Variants in S100Z observed in about 807,000 individuals in gnomAD.
The protein encoded by S100Z is S100 calcium binding protein Z, also known as protein S100-Z.
In S100Z, 11 loss-of-function variants were observed where a neutral mutation model predicts 8.5. The ratio of observed to expected loss-of-function variants is 1.30; its 90% CI spans 0.82 to 2.15. The LOEUF (loss-of-function observed/expected upper bound fraction) is 2.15. Among genes scored for constraint, S100Z ranks in the 30% most tolerant of loss-of-function variants. The pLI, the probability that S100Z is intolerant of heterozygous loss-of-function variation, is 0.00. For missense variants in S100Z, 126 were observed against 117.9 expected, an observed-to-expected ratio of 1.07 and a Z score of -0.32; for synonymous variants, 34 against 43.8, an observed-to-expected ratio of 0.78 and a Z score of 0.89.
chr5:76,897,442 C>CA (rs1030708478), intron 4 of S100Z, among the ~76,000 whole-genome samples: 4 of 144,372 alleles, frequency 2.8e-5, no homozygotes, highest in East Asian at 2.1e-4. Context: ...GACTCTGTCT[C>CA]AAAAAAAATA....
intron 4 of S100Z, among the ~76,000 whole-genome samples, chr5:76,881,669 A>T (rs572388723): frequency 6.6e-6 from 1 of 152,280 alleles, no homozygotes; most frequent in South Asian, 2.1e-4. Flanking sequence ...CTGGAAGGAG[A>T]TATTTTCCTT....
chr5:76,854,113 T>C (rs1750810006), intron 1 of S100Z, among the ~76,000 whole-genome samples: 3 of 152,206 alleles, frequency 2.0e-5, no homozygotes, highest in Admixed American at 6.5e-5. Context: ...GTGAGCCCAT[T>C]AAACCTCTTT....
At chr5:76,892,248 CCTA>C (rs1360259269) in intron 4 of S100Z, among the ~76,000 whole-genome samples, 9 of 152,258 alleles carry the variant, frequency 5.9e-5, no homozygotes, top group African/African-American at 2.2e-4. Context: ...TTTTATGCAT[CCTA>C]CTCTTTCAGA....
At chr5:76,853,764 T>C (rs1456947916) in intron 1 of S100Z, among the ~76,000 whole-genome samples, 1 of 149,982 alleles carries the variant, frequency 6.7e-6, no homozygotes, top group Non-Finnish European at 1.5e-5. Context: ...GCCACTGCAC[T>C]CCAGCCTGGG....
chr5:76,868,252 G>C (rs56175706), intron 1 of S100Z, among the ~76,000 whole-genome samples: 2,201 of 152,250 alleles, frequency 0.014, 66 homozygotes, highest in African/African-American at 0.05. Context: ...CTGGGAATTA[G>C]AGGGCTGCCA....
chr5:76,913,782 G>A (rs191549035), intron 4 of S100Z, among the ~76,000 whole-genome samples: 62 of 152,286 alleles, frequency 4.1e-4, no homozygotes, highest in African/African-American at 1.4e-3. Flanking sequence ...TCTCTGCACC[G>A]TCTTAGGGGA....
intron 4 of S100Z, among the ~76,000 whole-genome samples, chr5:76,897,473 A>G (rs1055925367): frequency 1.4e-5 from 2 of 143,974 alleles, no homozygotes; most frequent in Admixed American, 6.6e-5. Flanking sequence ...TAATAAAAAT[A>G]AAAAAATAAA....
chr5:76,922,191 C>T (rs1360280534), downstream of S100Z, among the ~76,000 whole-genome samples: 3 of 152,124 alleles, frequency 2.0e-5, no homozygotes, highest in African/African-American at 7.2e-5. Context: ...TAGGGAGAGA[C>T]TCTCTCTGGA....
At chr5:76,923,025 A>G (rs1745075971), downstream of S100Z, among the ~76,000 whole-genome samples, 1 of 152,022 alleles carries the variant, frequency 6.6e-6, no homozygotes, top group African/African-American at 2.4e-5. Flanking sequence ...AAAAAAAAAA[A>G]AATGGGCTTC....
rs559696626 is a variant in S100Z at position 76,914,171 on chromosome 5, T to C, written c.*3-6546T>C. 2.6e-5 allele frequency among the ~76,000 whole-genome samples: 4 copies of C among 152,232 alleles called. No homozygotes were observed. In the East Asian group the frequency reaches 7.7e-4, roughly 29 times the overall value. On this transcript the variant is annotated intron_variant, in intron 4 of 4. Coordinates refer to ENST00000317593, the MANE Select transcript of S100Z (RefSeq NM_130772.4). ...AGGACATTACAACTGCAGGGCTCCTTCTTTGCCCTTATCCAGCAGGAAGTA... is the reference window on the plus strand; with the variant it reads ...AGGACATTACAACTGCAGGGCTCCTCCTTTGCCCTTATCCAGCAGGAAGTA...
the S100Z span, among the ~76,000 whole-genome samples, chr5:76,937,205 A>G: frequency 4.6e-5 from 7 of 152,014 alleles, no homozygotes; most frequent in Non-Finnish European, 8.8e-5. Flanking sequence ...ATTAAGCAAC[A>G]TATCACTTAA....
the S100Z span, among the ~76,000 whole-genome samples, chr5:76,929,480 T>C: frequency 1.3e-5 from 2 of 152,194 alleles, no homozygotes; most frequent in Non-Finnish European, 2.9e-5. Flanking sequence ...AAAGCATTGT[T>C]TCCAAATTGA....
intron 1 of S100Z, among the ~76,000 whole-genome samples, chr5:76,855,051 G>T (rs1750844832): frequency 6.6e-6 from 1 of 152,254 alleles, no homozygotes; most frequent in African/African-American, 2.4e-5. Flanking sequence ...AAGCCTGTGA[G>T]TGCACAGAAT....
rs527398131 is a variant in S100Z, at chr5:76,863,692, C to A, written c.-175-6474C>A. Among the ~76,000 whole-genome samples, 33 of 152,020 alleles carry A rather than the reference C, an allele frequency of 2.2e-4. No homozygotes were observed. In the East Asian group the frequency reaches 4.4e-3, roughly 20 times the overall value. On this transcript the variant is annotated intron_variant, in intron 1 of 4. Transcript: ENST00000317593. Reference sequence around the variant, plus strand: ...TAGCTGGGACTACAGGCACCCGCCACCACACCCAGCTAATTTTTTGTATTT... The same window carrying A: ...TAGCTGGGACTACAGGCACCCGCCAACACACCCAGCTAATTTTTTGTATTT...
intron 2 of S100Z, among the ~76,000 whole-genome samples, chr5:76,873,973 T>TA (rs1359668532): frequency 6.6e-6 from 1 of 152,146 alleles, no homozygotes; most frequent in African/African-American, 2.4e-5. Context: ...CTGAAAAAGT[T>TA]AAAATCACTT....
At chr5:76,952,929 CG>C in the S100Z span, 1 of 576,652 alleles carries the variant, frequency 1.7e-6, no homozygotes, top group Non-Finnish European at 3.1e-6. Flanking sequence ...GTCATCGCCA[CG>C]TACTCTGTCA....
intron 1 of S100Z, among the ~76,000 whole-genome samples, chr5:76,855,349 CGTGAAAACAGATGCCAGCCT>C (rs890943848): frequency 9.2e-5 from 14 of 152,204 alleles, no homozygotes; most frequent in African/African-American, 2.6e-4. Flanking sequence ...AATGCCAGCC[CGTGAAAACAGATGCCAGCCT>C]GTGAAAACAG....
At chr5:76,894,584 G>A (rs890419995) in intron 4 of S100Z, among the ~76,000 whole-genome samples, 3 of 150,380 alleles carry the variant, frequency 2.0e-5, no homozygotes, top group Non-Finnish European at 4.4e-5. Flanking sequence ...TGACATTGTC[G>A]GTGATTTAAA....
At chr5:76,912,571 AT>A (rs566832507) in intron 4 of S100Z, among the ~76,000 whole-genome samples, 142 of 152,372 alleles carry the variant, frequency 9.3e-4, no homozygotes, top group African/African-American at 3.2e-3. Context: ...GGAAAAAAAA[AT>A]AAATGTGTAT....
Sources: allele counts gnomAD v4.1 joint callset (sites outside exome capture counted in the v4.1 genomes callset), GRCh38; gene constraint gnomAD v4.1.1; transcripts MANE v1.5; gene names NCBI Gene and HGNC (gene_info 2026-07-23, HGNC 2026-07-21).